CPA6: variants seen among roughly 807,000 people sequenced by gnomAD.
CPA6 encodes carboxypeptidase A6.
A neutral mutation model predicts 63.3 loss-of-function variants in CPA6; 58 were observed. That is an observed-to-expected ratio of 0.92 (90% confidence interval 0.74 to 1.14). CPA6 has a LOEUF of 1.14. CPA6 is among the 50% of genes most tolerant of loss of function. CPA6 has a pLI of 0.00. For synonymous variants in CPA6, 185 were observed against 179.0 expected (o/e 1.03, Z -0.27); for missense variants, 565 against 526.6 (o/e 1.07, Z -0.71).
At chr8:67,598,922 C>T (rs1814417511) in intron 2 of CPA6, among the ~76,000 whole-genome samples, 1 of 151,328 alleles carries the variant, frequency 6.6e-6, no homozygotes, top group African/African-American at 2.4e-5. Flanking sequence ...TAATACTAGG[C>T]CCATCTTAAA....
At chr8:67,597,196 CTCTT>C (rs1277376310) in intron 2 of CPA6, among the ~76,000 whole-genome samples, 2 of 147,280 alleles carry the variant, frequency 1.4e-5, no homozygotes, top group Admixed American at 6.8e-5. Context: ...TCCTCTGTGT[CTCTT>C]TTTTTTTTTT....
At chr8:67,740,011 A>C (rs1306856981) in intron 1 of CPA6, among the ~76,000 whole-genome samples, 1 of 152,198 alleles carries the variant, frequency 6.6e-6, no homozygotes, top group East Asian at 1.9e-4. Context: ...CCAGAGATGC[A>C]TTTCTTCCTT....
chr8:67,589,237 T>C (rs1263283699), intron 2 of CPA6, among the ~76,000 whole-genome samples: 2 of 152,194 alleles, frequency 1.3e-5, no homozygotes, highest in Non-Finnish European at 2.9e-5. Context: ...TTTCTGTAAA[T>C]CAATTTATTT....
At chr8:67,518,900 C>T (rs1812205038) in intron 2 of CPA6, among the ~76,000 whole-genome samples, 1 of 152,134 alleles carries the variant, frequency 6.6e-6, no homozygotes, top group Non-Finnish European at 1.5e-5. Flanking sequence ...ATATAAACAT[C>T]CCTTTTCAAG....
rs144171531 is a variant in CPA6 at position 67,741,701 on chromosome 8, C to T, written c.116+4313G>A. On this transcript the variant is annotated intron_variant, in intron 1 of 10. Transcript: ENST00000297770. ...TATAAAAATCTAATTTCTGATGATA[C>T]GTCACTGTTTCCCGTCATCCCCAGA... Among the ~76,000 whole-genome samples, 30 of 152,258 alleles carry T rather than the reference C, an allele frequency of 2.0e-4. No individual in the cohort carries two copies. In the East Asian group the frequency reaches 5.4e-3, roughly 27 times the overall value.
intron 8 of CPA6, among the ~76,000 whole-genome samples, chr8:67,435,513 G>C (rs575218349): frequency 2.0e-5 from 3 of 152,128 alleles, no homozygotes; most frequent in Non-Finnish European, 4.4e-5. Context: ...CGGCAGGTGC[G>C]GGGAGGCTCC....
chr8:67,477,398 G>C (rs1004532207), intron 8 of CPA6, among the ~76,000 whole-genome samples: 14 of 151,178 alleles, frequency 9.3e-5, no homozygotes, highest in Non-Finnish European at 7.4e-5. Flanking sequence ...TTAGATATTA[G>C]GTAATTTATA....
chr8:67,706,996 TTGTTA>T (rs1817150351), intron 1 of CPA6, among the ~76,000 whole-genome samples: 1 of 152,206 alleles, frequency 6.6e-6, no homozygotes, highest in South Asian at 2.1e-4. Flanking sequence ...ATAATTATCA[TTGTTA>T]TGTTAAATTA....
intron 1 of CPA6, among the ~76,000 whole-genome samples, chr8:67,736,925 A>G (rs1030948717): frequency 6.6e-6 from 1 of 152,162 alleles, no homozygotes; most frequent in Non-Finnish European, 1.5e-5. Context: ...CCTCCTAAAT[A>G]TTTAGTTGGT....
chr8:67,580,268 C>A (rs1339602538), intron 2 of CPA6, among the ~76,000 whole-genome samples: 2 of 152,230 alleles, frequency 1.3e-5, no homozygotes, highest in African/African-American at 4.8e-5. Context: ...GGGTGCTTCT[C>A]ATAGCATGCT....
intron 1 of CPA6, among the ~76,000 whole-genome samples, chr8:67,721,052 G>A (rs1035074598): frequency 6.6e-6 from 1 of 152,174 alleles, no homozygotes; most frequent in Non-Finnish European, 1.5e-5. Context: ...TTAATACAAA[G>A]GTTCAACATT....
At chr8:67,522,494 C>T (rs1812279727) in intron 2 of CPA6, among the ~76,000 whole-genome samples, 1 of 152,158 alleles carries the variant, frequency 6.6e-6, no homozygotes, top group Admixed American at 6.5e-5. Context: ...GTTAAATGCC[C>T]CCGTTCACCG....
At chr8:67,593,010 T>C (rs1284669467) in intron 2 of CPA6, among the ~76,000 whole-genome samples, 1 of 150,740 alleles carries the variant, frequency 6.6e-6, no homozygotes, top group Admixed American at 6.6e-5. Context: ...CTGCTTTCTC[T>C]TGTGGGCATT....
intron 8 of CPA6, among the ~76,000 whole-genome samples, chr8:67,467,431 C>A: frequency 6.6e-6 from 1 of 152,140 alleles, no homozygotes; most frequent in South Asian, 2.1e-4. Context: ...TCATGTTTTT[C>A]ACCGGATTCT....
At chr8:67,479,060 A>G (rs905529) in intron 8 of CPA6, among the ~76,000 whole-genome samples, 46,766 of 151,954 alleles carry the variant, frequency 0.31, 7,356 homozygotes, top group Middle Eastern at 0.45. Context: ...CACCCCCAAT[A>G]TAGCACCCTA....
At chr8:67,716,507 A>G (rs1188463384) in intron 1 of CPA6, among the ~76,000 whole-genome samples, 1 of 152,172 alleles carries the variant, frequency 6.6e-6, no homozygotes, top group Admixed American at 6.5e-5. Flanking sequence ...TGCGAGAGGA[A>G]GGTAGAGGAA....
chr8:67,495,170 G>T (rs1166930180), intron 6 of CPA6, among the ~76,000 whole-genome samples: 1 of 152,120 alleles, frequency 6.6e-6, no homozygotes, highest in Non-Finnish European at 1.5e-5. Context: ...TCAGACTAAT[G>T]GTCCTGCCAA....
At chr8:67,529,618 G>A (rs572834785) in intron 2 of CPA6, among the ~76,000 whole-genome samples, 1 of 152,292 alleles carries the variant, frequency 6.6e-6, no homozygotes, top group African/African-American at 2.4e-5. Flanking sequence ...ACACAGAAGA[G>A]GCTGGGATAT....
chr8:67,719,003 AG>A (rs1817439747), intron 1 of CPA6, among the ~76,000 whole-genome samples: 1 of 152,142 alleles, frequency 6.6e-6, no homozygotes, highest in Admixed American at 6.5e-5. Flanking sequence ...TAGGGGGAAA[AG>A]CTGAGTCTGG....
Sources: gnomAD v4.1 joint callset for allele counts (sites outside exome capture counted in the v4.1 genomes callset) on GRCh38, gnomAD v4.1.1 for gene constraint, MANE v1.5 for transcripts, NCBI Gene and HGNC (gene_info 2026-07-23, HGNC 2026-07-21) for gene names.